The following EYS variants were observed in gnomAD, a reference collection of about 807,000 sequenced individuals.
EYS encodes EGF-like photoreceptor maintenance factor.
Under a neutral mutation model 282.1 loss-of-function variants are expected in EYS, and 250 were observed. That is an observed-to-expected ratio of 0.89 (90% CI 0.80 to 0.98). The LOEUF (loss-of-function observed/expected upper bound fraction) is 0.98, where lower values mean the gene tolerates loss of function less well. Ranked by LOEUF, EYS falls within the 50% of genes least tolerant of loss-of-function variation. The pLI, the probability that EYS is intolerant of heterozygous loss-of-function variation, is 0.00. For missense variants in EYS, 4,016 were observed against 3,709.0 expected (o/e 1.08, Z -2.15); for synonymous variants, 1,355 against 1,282.9 (o/e 1.06, Z -1.20).
At position 65,058,733 on chromosome 6, in the gene EYS, C is replaced by A. The variant is rs574189306; in HGVS notation, c.2024-1006G>T. On this transcript the variant is annotated intron_variant, in intron 12 of 42. Coordinates refer to ENST00000503581, the MANE Select transcript of EYS (RefSeq NM_001142800.2). Reference sequence around the variant, plus strand: ...TAGAACTTGTTTTGCTAAAGCTGACCTTTCTTATTATACCACTTAGATTGC... The same window carrying A: ...TAGAACTTGTTTTGCTAAAGCTGACATTTCTTATTATACCACTTAGATTGC... Among the ~76,000 whole-genome samples, 3 of 150,458 alleles carry A rather than the reference C, an allele frequency of 2.0e-5. No individual in the cohort carries two copies. In the South Asian group the frequency reaches 6.4e-4, roughly 32 times the overall value.
chr6:64,233,329 G>A (rs1173068461), intron 30 of EYS, among the ~76,000 whole-genome samples: 1 of 152,024 alleles, frequency 6.6e-6, no homozygotes, highest in African/African-American at 2.4e-5. Context: ...TTGGCTTTCA[G>A]TTTTATTTTT....
chr6:65,660,120 A>T (rs1767954813), intron 1 of EYS, among the ~76,000 whole-genome samples: 1 of 151,822 alleles, frequency 6.6e-6, no homozygotes, highest in Non-Finnish European at 1.5e-5. Context: ...GTGTCAAAAG[A>T]TCATGAAACC....
Position 64,760,254 on chromosome 6 carries a change from T to C in EYS, c.3443+53124A>G, listed in dbSNP as rs75525471. Among the ~76,000 whole-genome samples, 717 of 152,220 alleles carry C rather than the reference T, an allele frequency of 4.7e-3. 3 individuals are homozygous for C. Among genetic ancestry groups the C allele is most frequent in the African/African-American group, 0.016 (680 of 41,548 alleles). ...TCTGCATGCCATAAAGCTTCTCCTC[T>C]CTTTGACACTCTAGGCTGGTGAGGA... is the stretch of plus-strand genomic sequence containing the variant. On this transcript the variant is annotated intron_variant, in intron 22 of 42. Transcript: ENST00000503581.
At chr6:64,217,121 T>C (rs1180961740) in intron 31 of EYS, among the ~76,000 whole-genome samples, 3 of 152,202 alleles carry the variant, frequency 2.0e-5, no homozygotes, top group Non-Finnish European at 4.4e-5. Context: ...ACTTTTATGA[T>C]TAAAAAGTAA....
chr6:64,125,258 G>A (rs1157945732), intron 31 of EYS, among the ~76,000 whole-genome samples: 1 of 152,012 alleles, frequency 6.6e-6, no homozygotes, highest in African/African-American at 2.4e-5. Context: ...GGCCTTTCAA[G>A]TGGGTCCAAA....
At position 63,721,281 on chromosome 6, in the gene EYS, A is replaced by T. The variant is rs764362221; in HGVS notation, c.8750T>A (p.Leu2917Ter). The part of the protein sequence containing the change: ...GNTCNQSVSC[L>*]NNLCLHQSLC... ...AGATTGGTGGAGGCAAAGATTATTC[A>T]AACAGGACACAGACTGGTTACATGT... Residue 2917 changes from leucine (L) to a stop codon, truncating the protein, a stop_gained, in exon 43 of 43, where the codon TTG becomes TAG. Transcript: ENST00000503581. LOFTEE classifies it high-confidence loss of function. 5.2e-6 allele frequency: 8 copies of T among 1,551,866 alleles called. No homozygotes were observed. In the South Asian group the frequency reaches 9.5e-5, roughly 18 times the overall value.
At chr6:64,236,018 C>T (rs926059726) in intron 30 of EYS, among the ~76,000 whole-genome samples, 4 of 152,012 alleles carry the variant, frequency 2.6e-5, no homozygotes, top group African/African-American at 9.7e-5. Context: ...GAGACACAAC[C>T]AAAAAAGAGA....
intron 24 of EYS, among the ~76,000 whole-genome samples, chr6:64,598,456 G>A (rs890033238): frequency 1.3e-5 from 2 of 152,152 alleles, no homozygotes; most frequent in African/African-American, 4.8e-5. Context: ...GCGAGACTCC[G>A]TCTCAAAAAC....
At position 65,326,355 on chromosome 6, in the gene EYS, C is replaced by G. The variant is rs143928134; in HGVS notation, c.1766+8625G>C. Among the ~76,000 whole-genome samples the G allele has an allele frequency of 8.0e-4, 121 of 151,148 alleles. 1 individual carries two copies. The highest frequency in any genetic ancestry group is 2.6e-3 in the African/African-American group (109 of 41,330). On this transcript the variant is annotated intron_variant, in intron 11 of 42. Coordinates refer to ENST00000503581, the MANE Select transcript of EYS (RefSeq NM_001142800.2). ...TTTTAAATGGTGTAATTTTTTTCTA[C>G]CATTGATTAGAAATGCTATGTATAT...
intron 28 of EYS, among the ~76,000 whole-genome samples, chr6:64,434,347 T>C (rs1774670012): frequency 1.3e-5 from 2 of 152,112 alleles, no homozygotes; most frequent in South Asian, 4.1e-4. Context: ...CACTTTGTTA[T>C]GGCAGCCCAG....
chr6:64,373,884 C>T lies in EYS; in HGVS notation c.6078+14806G>A, dbSNP rs550417103. On this transcript the variant is annotated intron_variant, in intron 29 of 42. Coordinates refer to ENST00000503581, the MANE Select transcript of EYS (RefSeq NM_001142800.2). ...CCATGTTTCCTGGGACAATAGAAGC[C>T]GTGCTCTCCAGCTGAGTTTTACAGA... Among the ~76,000 whole-genome samples, 14 of 152,052 alleles carry T rather than the reference C, an allele frequency of 9.2e-5. No individual in the cohort carries two copies. The East Asian group carries it at 1.8e-3, about 19-fold the overall frequency.
Position 64,591,072 on chromosome 6 carries a change from G to A in EYS, c.4795C>T (p.Leu1599=), listed in dbSNP as rs1766391149. 1 of 1,551,314 alleles carries A rather than the reference G, an allele frequency of 6.4e-7. No individual in the cohort carries two copies. The highest frequency in any genetic ancestry group is 8.7e-7 in the Non-Finnish European group (1 of 1,146,786). Residue 1599 remains leucine, a synonymous_variant, in exon 26 of 43, where the codon CTA becomes TTA. Coordinates refer to ENST00000503581, the MANE Select transcript of EYS (RefSeq NM_001142800.2). ...NSAILASWYA[L]MGAQTITSGH... ...GAAGTGATAGTTTGAGCTCCCATTA[G>A]TGCATACCAGCTGGCTAATATCGCT... is the stretch of plus-strand genomic sequence containing the variant.
At chr6:64,550,818 C>T (rs968012567) in intron 26 of EYS, among the ~76,000 whole-genome samples, 1 of 151,990 alleles carries the variant, frequency 6.6e-6, no homozygotes, top group Non-Finnish European at 1.5e-5. Flanking sequence ...ACACCAATAA[C>T]AGACAAACAG....
intron 31 of EYS, among the ~76,000 whole-genome samples, chr6:64,192,462 G>C (rs1223989021): frequency 6.6e-6 from 1 of 152,134 alleles, no homozygotes; most frequent in Non-Finnish European, 1.5e-5. Context: ...AAAACAGCAT[G>C]GTACTGGTAT....
At chr6:65,267,761 A>C (rs1358784450) in intron 12 of EYS, among the ~76,000 whole-genome samples, 2 of 151,848 alleles carry the variant, frequency 1.3e-5, no homozygotes, top group Non-Finnish European at 2.9e-5. Context: ...CAAAACTTTA[A>C]AATTCAAACA....
At chr6:65,229,794 G>A (rs982644739) in intron 12 of EYS, among the ~76,000 whole-genome samples, 2 of 152,006 alleles carry the variant, frequency 1.3e-5, no homozygotes, top group Non-Finnish European at 2.9e-5. Flanking sequence ...TATCTGGACA[G>A]TTTGCTGTGT....
chr6:65,509,126 A>G (rs1175330588), intron 2 of EYS, among the ~76,000 whole-genome samples: 1 of 152,236 alleles, frequency 6.6e-6, no homozygotes, highest in African/African-American at 2.4e-5. Context: ...TACTATAAAC[A>G]GAAAGAACAT....
Position 65,694,514 on chromosome 6 carries a change from T to C in EYS, c.-448+12621A>G, listed in dbSNP as rs185426935. Among the ~76,000 whole-genome samples, 75 of 149,990 alleles carry C rather than the reference T, an allele frequency of 5.0e-4. 3 individuals are homozygous for C. Among genetic ancestry groups the C allele is most frequent in the Middle Eastern group, 3.4e-3 (1 of 292 alleles). On this transcript the variant is annotated intron_variant, in intron 1 of 42. Transcript: ENST00000503581. ...GCATTTAAACTAAATTACTCCTTCT[T>C]GATTATAATTTCTAAGCAGAGATCG...
At chr6:63,862,588 T>C (rs1772562504) in intron 36 of EYS, among the ~76,000 whole-genome samples, 1 of 152,212 alleles carries the variant, frequency 6.6e-6, no homozygotes, top group African/African-American at 2.4e-5. Context: ...CTTCTAAATC[T>C]TTACTTCTTA....
Sources: gnomAD v4.1 joint callset for allele counts (sites outside exome capture counted in the v4.1 genomes callset) on GRCh38, gnomAD v4.1.1 for gene constraint, MANE v1.5 for transcripts, NCBI Gene and HGNC (gene_info 2026-07-23, HGNC 2026-07-21) for gene names.